The following COXFA4 variants were observed in gnomAD, a reference collection of about 807,000 sequenced individuals.
COXFA4 encodes cytochrome c oxidase associated subunit FA4, also known as cytochrome c oxidase subunit FA4.
chr7:10,935,554 A>G, the COXFA4 span, among the ~76,000 whole-genome samples: 18 of 152,304 alleles, frequency 1.2e-4, 1 homozygote, highest in Middle Eastern at 3.4e-3. Flanking sequence ...TCAAACGCCA[A>G]TGGTGATGGT....
the COXFA4 span, chr7:10,938,889 G>C: frequency 6.2e-7 from 1 of 1,612,344 alleles, no homozygotes; most frequent in Non-Finnish European, 8.5e-7. Flanking sequence ...TACAAAGAGG[G>C]GGATCAACTA....
chr7:10,934,930 T>C, the COXFA4 span, among the ~76,000 whole-genome samples: 1 of 152,230 alleles, frequency 6.6e-6, no homozygotes, highest in Admixed American at 6.5e-5. Context: ...TGCTATCCTC[T>C]AACATATTAA....
the COXFA4 span, chr7:10,939,051 G>T: frequency 3.3e-6 from 2 of 602,722 alleles, no homozygotes; most frequent in Non-Finnish European, 5.9e-6. Flanking sequence ...TTACATTGAG[G>T]TAAGATTTCT....
chr7:10,939,839 G>C, the COXFA4 span: 1 of 760,666 alleles, frequency 1.3e-6, no homozygotes, highest in South Asian at 1.4e-5. Flanking sequence ...CACAATGCAT[G>C]GCGTAGAGGG....
the COXFA4 span, chr7:10,933,414 T>C: frequency 1.9e-6 from 1 of 524,798 alleles, no homozygotes; most frequent in South Asian, 2.6e-5. Flanking sequence ...TCCTATACTC[T>C]AAAGTTCAGA....
chr7:10,933,710 G>T, the COXFA4 span: 1 of 1,586,644 alleles, frequency 6.3e-7, no homozygotes, highest in South Asian at 1.1e-5. Context: ...CAGAAAAAAA[G>T]ATATTTTAAG....
At chr7:10,934,551 A>T in the COXFA4 span, among the ~76,000 whole-genome samples, 4 of 152,130 alleles carry the variant, frequency 2.6e-5, no homozygotes, top group African/African-American at 4.8e-5. Flanking sequence ...GTTGTGCTAT[A>T]ATTACTTGAA....
chr7:10,937,930 G>T, the COXFA4 span: 2 of 624,088 alleles, frequency 3.2e-6, no homozygotes, highest in Non-Finnish European at 2.9e-6. Flanking sequence ...ATATTTATTA[G>T]AGCAATATAC....
chr7:10,938,662 A>C, the COXFA4 span: 124 of 640,544 alleles, frequency 1.9e-4, no homozygotes, highest in Non-Finnish European at 2.9e-4. Context: ...AAGTAAATGA[A>C]AACAGCAGAT....
the COXFA4 span, chr7:10,938,001 T>G: frequency 1.9e-6 from 2 of 1,029,302 alleles, no homozygotes; most frequent in Non-Finnish European, 3.1e-6. Flanking sequence ...GGAATTTTAC[T>G]CGTATATCCA....
the COXFA4 span, chr7:10,938,261 T>A: frequency 1.0e-3 from 933 of 903,878 alleles, 12 homozygotes; most frequent in South Asian, 0.013. Flanking sequence ...TGAGGTATGG[T>A]GTTATTTCAT....
the COXFA4 span, chr7:10,933,620 T>C: frequency 1.2e-5 from 19 of 1,601,328 alleles, no homozygotes; most frequent in East Asian, 2.2e-5. Context: ...AGCAGCGTTA[T>C]AGTGAAACAT....
the COXFA4 span, among the ~76,000 whole-genome samples, chr7:10,936,740 A>T: frequency 6.6e-6 from 1 of 152,200 alleles, no homozygotes; most frequent in Non-Finnish European, 1.5e-5. Flanking sequence ...GGTGATGTTA[A>T]AAGTTGCTAT....
the COXFA4 span, among the ~76,000 whole-genome samples, chr7:10,934,319 ATTTC>A: frequency 2.0e-5 from 3 of 150,002 alleles, no homozygotes; most frequent in East Asian, 5.9e-4. Flanking sequence ...CATTTCCAAC[ATTTC>A]TTTATAATCA....
the COXFA4 span, chr7:10,939,946 G>C: frequency 1.9e-6 from 3 of 1,556,374 alleles, no homozygotes; most frequent in East Asian, 2.2e-5. Context: ...CGTTCCCAGG[G>C]AACAGAAAGA....
chr7:10,933,397 G>A, the COXFA4 span: 1 of 467,182 alleles, frequency 2.1e-6, no homozygotes, highest in South Asian at 3.2e-5. Flanking sequence ...AATTCTAATA[G>A]TTAATTTCCT....
the COXFA4 span, chr7:10,939,960 G>T: frequency 6.3e-7 from 1 of 1,595,764 alleles, no homozygotes; most frequent in Non-Finnish European, 8.6e-7. Flanking sequence ...AGAAAGAGGC[G>T]CACCCCGACG....
chr7:10,937,471 T>C, the COXFA4 span, among the ~76,000 whole-genome samples: 4 of 152,022 alleles, frequency 2.6e-5, no homozygotes, highest in East Asian at 7.7e-4. Flanking sequence ...TTAGTAGAGA[T>C]GGGGTTTCAC....
At chr7:10,933,629 A>G in the COXFA4 span, 1 of 1,606,826 alleles carries the variant, frequency 6.2e-7, no homozygotes, top group Non-Finnish European at 8.5e-7. Flanking sequence ...ATAGTGAAAC[A>G]TTTCATTTAG....
Sources: allele counts gnomAD v4.1 joint callset (sites outside exome capture counted in the v4.1 genomes callset), GRCh38; gene constraint gnomAD v4.1.1; transcripts MANE v1.5; gene names NCBI Gene and HGNC (gene_info 2026-07-23, HGNC 2026-07-21).